Variants in DCUN1D1 observed in about 807,000 individuals in gnomAD.
DCUN1D1 encodes the protein defective in cullin neddylation 1 domain containing 1, also known as DCN1-like protein 1.
DCUN1D1 carries 3 observed loss-of-function variants against 39.0 expected under a neutral mutation model. The ratio of observed to expected loss-of-function variants is 0.08; its 90% CI spans 0.04 to 0.20. The LOEUF is 0.20. Among genes scored for constraint, DCUN1D1 ranks in the 10% least tolerant of loss-of-function variants. The pLI is 1.00. For synonymous variants in DCUN1D1, 82 were observed against 96.3 expected, an observed-to-expected ratio of 0.85 and a Z score of 0.87; for missense variants, 158 against 302.4, an observed-to-expected ratio of 0.52 and a Z score of 3.54.
upstream of DCUN1D1, chr3:182,981,021 C>T (rs1168295206): frequency 6.6e-6 from 1 of 152,352 alleles, no homozygotes; most frequent in Non-Finnish European, 1.5e-5. Context: ...AGTGGAAACA[C>T]CTCCCCCTGC....
Position 182,946,613 on chromosome 3 carries a change from T to C in DCUN1D1, c.700+625A>G, listed in dbSNP as rs550283037. On this transcript the variant is annotated intron_variant, in intron 6 of 6. Transcript: ENST00000292782. The stretch of plus-strand genomic sequence containing the variant: ...CTTAAGGAATTTACAACCAAGCTTA[T>C]ACAAAAGACTAACAGATGAAAAAGA... Among the ~76,000 whole-genome samples the C allele has an allele frequency of 1.4e-4, 21 of 145,430 alleles. No individual in the cohort carries two copies. In the South Asian group the frequency reaches 3.5e-3, roughly 24 times the overall value.
At chr3:182,975,356 T>C (rs1394537379) in intron 1 of DCUN1D1, among the ~76,000 whole-genome samples, 1 of 151,880 alleles carries the variant, frequency 6.6e-6, no homozygotes, top group African/African-American at 2.4e-5. Flanking sequence ...TTTTGTATTT[T>C]TAGCAGAGAT....
intron 1 of DCUN1D1, among the ~76,000 whole-genome samples, chr3:182,971,377 C>T (rs1372033392): frequency 1.3e-5 from 2 of 151,928 alleles, no homozygotes; most frequent in African/African-American, 4.8e-5. Context: ...CCAGCCTGGG[C>T]AGCACAGGAA....
At chr3:182,961,928 A>T (rs1727418260) in intron 3 of DCUN1D1, among the ~76,000 whole-genome samples, 1 of 152,212 alleles carries the variant, frequency 6.6e-6, no homozygotes, top group South Asian at 2.1e-4. Context: ...GAAGAGTTTG[A>T]AAAGCTCTAA....
chr3:182,961,041 A>G (rs901057680), intron 4 of DCUN1D1, among the ~76,000 whole-genome samples, 185 bp downstream of exon 4: 5 of 152,190 alleles, frequency 3.3e-5, no homozygotes, highest in South Asian at 2.1e-4. Context: ...TATAGTACCC[A>G]GGGTAAACTT....
chr3:182,952,646 C>G (rs191449930), intron 4 of DCUN1D1, among the ~76,000 whole-genome samples: 1 of 152,122 alleles, frequency 6.6e-6, no homozygotes, highest in Non-Finnish European at 1.5e-5. Flanking sequence ...CCCTGCACCC[C>G]CTTCCCATGG....
intron 1 of DCUN1D1, among the ~76,000 whole-genome samples, chr3:182,972,507 C>T (rs1415848136): frequency 6.6e-6 from 1 of 152,108 alleles, no homozygotes; most frequent in Non-Finnish European, 1.5e-5. Flanking sequence ...CTGAGCAAGG[C>T]AGCTCACGCC....
intron 1 of DCUN1D1, among the ~76,000 whole-genome samples, chr3:182,970,015 A>G (rs1273115364): frequency 2.0e-5 from 3 of 152,156 alleles, no homozygotes; most frequent in African/African-American, 7.2e-5. Flanking sequence ...GCACTTTGGG[A>G]GGCGGAGGCA....
At chr3:182,964,193 T>C in intron 2 of DCUN1D1, 144 bp from the exon 3 acceptor site, 1 of 602,828 alleles carries the variant, frequency 1.7e-6, no homozygotes, top group Non-Finnish European at 2.8e-6. Flanking sequence ...ACATACACTT[T>C]CCCATTATTT....
At position 182,973,452 on chromosome 3, in the gene DCUN1D1, G is replaced by A. The variant is rs535002002; in HGVS notation, c.3+7035C>T. ...ATTACTGTACTACTAAGTCCAGTAG[G>A]AATGATATACATACTACGTAATTAT... On this transcript the variant is annotated intron_variant, in intron 1 of 6. Coordinates refer to ENST00000292782, the MANE Select transcript of DCUN1D1 (RefSeq NM_020640.4). 3.1e-3 allele frequency among the ~76,000 whole-genome samples: 475 copies of A among 152,328 alleles called. 4 individuals carry two copies. Among genetic ancestry groups the A allele is most frequent in the Non-Finnish European group, 5.3e-3 (363 of 68,042 alleles).
intron 4 of DCUN1D1, among the ~76,000 whole-genome samples, chr3:182,954,026 G>A (rs910002012): frequency 6.6e-6 from 1 of 152,172 alleles, no homozygotes; most frequent in Non-Finnish European, 1.5e-5. Context: ...GCTCACTGGG[G>A]AGGATGGAAT....
At chr3:182,983,491 A>G (rs932371826), upstream of DCUN1D1, among the ~76,000 whole-genome samples, 4 of 152,176 alleles carry the variant, frequency 2.6e-5, no homozygotes, top group South Asian at 8.3e-4. Context: ...CAAGGCGGGC[A>G]GATAACTTAA....
upstream of DCUN1D1, among the ~76,000 whole-genome samples, chr3:182,981,775 TC>T (rs1297915519): frequency 2.6e-5 from 4 of 152,222 alleles, no homozygotes; most frequent in Admixed American, 6.5e-5. Context: ...CCTCCTAACT[TC>T]CTGGAGCTAG....
chr3:182,963,100 T>C (rs181570314), intron 3 of DCUN1D1, among the ~76,000 whole-genome samples: 1 of 152,124 alleles, frequency 6.6e-6, no homozygotes, highest in Non-Finnish European at 1.5e-5. Context: ...TTTTTGTATC[T>C]TGACTGGACG....
rs1438394167 is a variant in DCUN1D1, at chr3:182,943,669, C to A, written c.*1425G>T. The A allele has an allele frequency of 6.6e-6, 1 of 152,380 alleles. No homozygotes were observed. Among genetic ancestry groups the A allele is most frequent in the Non-Finnish European group, 1.5e-5 (1 of 68,008 alleles). 9.4% of individuals were successfully genotyped at this position (152,380 alleles called of 1,614,324 possible). A position where few individuals can be genotyped will look rare whatever the true frequency, so the allele number is the denominator to read the frequency against. On this transcript the variant is annotated 3_prime_UTR_variant, in exon 7 of 7. Transcript: ENST00000292782. ...CTATCAAAAGACCATAATCATCAAA[C>A]ATTTGAAGTATTACATTTCTAGCCT...
chr3:182,980,138 G>C (rs1259745806), intron 1 of DCUN1D1: 44 of 898,850 alleles, frequency 4.9e-5, no homozygotes, highest in Admixed American at 6.2e-5. Flanking sequence ...GCAGGGGCAA[G>C]GCCGTTGCCC....
intron 4 of DCUN1D1, among the ~76,000 whole-genome samples, chr3:182,958,742 A>G (rs774492952): frequency 3.2e-4 from 49 of 152,188 alleles, no homozygotes; most frequent in Admixed American, 2.2e-3. Flanking sequence ...ATGCTTTCAC[A>G]TAATCTGTTT....
upstream of DCUN1D1, among the ~76,000 whole-genome samples, chr3:182,984,796 T>A (rs1023776021): frequency 1.3e-5 from 2 of 152,258 alleles, no homozygotes; most frequent in Admixed American, 6.5e-5. Context: ...TTCATACTTC[T>A]AGAATCTGTC....
At chr3:182,960,051 G>C (rs1727304087) in intron 4 of DCUN1D1, among the ~76,000 whole-genome samples, 1 of 152,278 alleles carries the variant, frequency 6.6e-6, no homozygotes, top group Non-Finnish European at 1.5e-5. Flanking sequence ...CTCCTAGCCT[G>C]CAGAATCATG....
Sources: gnomAD v4.1 joint callset for allele counts (sites outside exome capture counted in the v4.1 genomes callset) on GRCh38, gnomAD v4.1.1 for gene constraint, MANE v1.5 for transcripts, NCBI Gene and HGNC (gene_info 2026-07-23, HGNC 2026-07-21) for gene names.